The following DPP6 variants were observed in gnomAD, a reference collection of about 807,000 sequenced individuals.
DPP6 encodes dipeptidyl peptidase like 6, also known as A-type potassium channel modulatory protein DPP6.
DPP6 carries 69 observed loss-of-function variants against 122.6 expected under a neutral mutation model. The ratio of observed to expected loss-of-function variants is 0.56; its 90% CI spans 0.46 to 0.69. The LOEUF is 0.69. Ranked by LOEUF, DPP6 falls within the 30% of genes least tolerant of loss-of-function variation. The pLI, the probability that DPP6 is intolerant of heterozygous loss-of-function variation, is 0.00. For synonymous variants in DPP6, 418 were observed against 433.1 expected (o/e 0.97, Z 0.43); for missense variants, 928 against 1,116.9 (o/e 0.83, Z 2.41).
rs184571066 is a variant in DPP6, at chr7:154,419,755, C to T, written c.244-26459C>T. 8.5e-5 allele frequency among the ~76,000 whole-genome samples: 13 copies of T among 152,230 alleles called. No homozygotes were observed. In the East Asian group the frequency reaches 2.5e-3, roughly 29 times the overall value. ...ATGGGCTCTGGATCATCTGATAGTT[C>T]TATTTTTAGTTTTTTGAGGAACCTC... On this transcript the variant is annotated intron_variant, in intron 1 of 25. Coordinates refer to ENST00000377770, the MANE Select transcript of DPP6 (RefSeq NM_130797.4).
intron 1 of DPP6, among the ~76,000 whole-genome samples, chr7:154,156,327 A>T (rs1306367071): frequency 6.6e-6 from 1 of 152,228 alleles, no homozygotes; most frequent in Non-Finnish European, 1.5e-5. Context: ...TGCTTTTTAA[A>T]CAGGAGTCCT....
intron 1 of DPP6, among the ~76,000 whole-genome samples, chr7:153,990,762 G>C (rs1246533338): frequency 6.6e-6 from 1 of 152,160 alleles, no homozygotes; most frequent in East Asian, 1.9e-4. Context: ...GGGAAGGGTA[G>C]GTGACCTGTC....
intron 1 of DPP6, among the ~76,000 whole-genome samples, chr7:154,150,508 A>G (rs1205922319): frequency 2.0e-5 from 3 of 152,252 alleles, no homozygotes; most frequent in East Asian, 3.9e-4. Flanking sequence ...AGTCAGCCCT[A>G]GGAAAGAAAG....
intron 1 of DPP6, among the ~76,000 whole-genome samples, chr7:154,313,930 G>T (rs760000618): frequency 6.6e-6 from 1 of 151,396 alleles, no homozygotes; most frequent in Non-Finnish European, 1.5e-5. Context: ...ATATGACTTG[G>T]TTAAAGAAGA....
At chr7:153,989,782 C>T (rs560496765) in intron 1 of DPP6, among the ~76,000 whole-genome samples, 137 of 137,522 alleles carry the variant, frequency 1.0e-3, no homozygotes, top group African/African-American at 3.7e-3. Context: ...GTTATCCCTG[C>T]ATGAGAGAGC....
chr7:154,585,785 C>G (rs1170251847), intron 5 of DPP6, among the ~76,000 whole-genome samples: 6 of 152,256 alleles, frequency 3.9e-5, no homozygotes, highest in Admixed American at 1.3e-4. Flanking sequence ...CTTCCCGAAT[C>G]TTTTTGATCC....
chr7:154,541,509 T>C (rs1209480058), intron 4 of DPP6, among the ~76,000 whole-genome samples: 1 of 152,156 alleles, frequency 6.6e-6, no homozygotes, highest in Non-Finnish European at 1.5e-5. Flanking sequence ...TTGACTGGAG[T>C]TATACACCAA....
intron 1 of DPP6, among the ~76,000 whole-genome samples, chr7:154,062,776 G>A (rs1264773508): frequency 7.8e-5 from 6 of 77,182 alleles, no homozygotes; most frequent in Non-Finnish European, 1.2e-4. Flanking sequence ...CCAACCCCTG[G>A]TTCCCCCACT....
At chr7:154,155,947 C>T (rs1796655692) in intron 1 of DPP6, among the ~76,000 whole-genome samples, 1 of 152,316 alleles carries the variant, frequency 6.6e-6, no homozygotes, top group Middle Eastern at 3.4e-3. Flanking sequence ...ATGGTGTCAT[C>T]CTTAGACCTA....
chr7:153,774,215 C>T, the DPP6 span, among the ~76,000 whole-genome samples: 1 of 152,066 alleles, frequency 6.6e-6, no homozygotes, highest in Admixed American at 6.6e-5. Flanking sequence ...GGGTATGTTC[C>T]AAAGTCTGCT....
chr7:154,523,371 C>T (rs73483810), intron 3 of DPP6, among the ~76,000 whole-genome samples: 2,809 of 152,110 alleles, frequency 0.018, 81 homozygotes, highest in African/African-American at 0.064. Context: ...TCTTTTTTTG[C>T]TGAAAATATG....
intron 1 of DPP6, among the ~76,000 whole-genome samples, chr7:153,899,261 C>A (rs1252271501): frequency 6.6e-6 from 1 of 151,512 alleles, no homozygotes; most frequent in Non-Finnish European, 1.5e-5. Flanking sequence ...GTATTCTTAC[C>A]CAGGTTTGTG....
chr7:153,985,685 A>G (rs1796810870), intron 1 of DPP6, among the ~76,000 whole-genome samples: 1 of 152,356 alleles, frequency 6.6e-6, no homozygotes, highest in Non-Finnish European at 1.5e-5. Context: ...TGTAGTAGAC[A>G]TTGAATAATT....
At chr7:153,952,796 C>G (rs963960250) in intron 1 of DPP6, among the ~76,000 whole-genome samples, 8 of 152,180 alleles carry the variant, frequency 5.3e-5, no homozygotes, top group Non-Finnish European at 1.2e-4. Flanking sequence ...ATGACACAAG[C>G]ATTCAGTTAT....
intron 1 of DPP6, among the ~76,000 whole-genome samples, chr7:154,061,059 G>C (rs903586148): frequency 7.1e-6 from 1 of 141,074 alleles, no homozygotes; most frequent in African/African-American, 2.5e-5. Flanking sequence ...TTTACGATCC[G>C]ACGGGTCCGA....
intron 1 of DPP6, among the ~76,000 whole-genome samples, chr7:153,989,146 C>G (rs1396023539): frequency 6.8e-6 from 1 of 146,416 alleles, no homozygotes; most frequent in Non-Finnish European, 1.5e-5. Flanking sequence ...TGTGCAGCAC[C>G]GGGTGTGAGT....
At chr7:154,290,480 C>T (rs567023902) in intron 1 of DPP6, among the ~76,000 whole-genome samples, 1 of 151,968 alleles carries the variant, frequency 6.6e-6, no homozygotes, top group South Asian at 2.1e-4. Flanking sequence ...CTCCCTGCCA[C>T]CCCCCTGCCT....
At chr7:154,720,540 A>G (rs918317152) in intron 7 of DPP6, among the ~76,000 whole-genome samples, 4 of 152,194 alleles carry the variant, frequency 2.6e-5, no homozygotes, top group Non-Finnish European at 5.9e-5. Context: ...CAGAGAGCAC[A>G]TGCCCCGCTC....
chr7:154,506,946 T>C (rs1825712411), intron 3 of DPP6, among the ~76,000 whole-genome samples: 1 of 152,212 alleles, frequency 6.6e-6, no homozygotes, highest in Non-Finnish European at 1.5e-5. Flanking sequence ...ATAATTCCCC[T>C]AGAAAGTTTT....
Sources: allele counts gnomAD v4.1 joint callset (sites outside exome capture counted in the v4.1 genomes callset), GRCh38; gene constraint gnomAD v4.1.1; transcripts MANE v1.5; gene names NCBI Gene and HGNC (gene_info 2026-07-23, HGNC 2026-07-21).